FAM117B: variants seen among roughly 807,000 people sequenced by gnomAD.
The protein encoded by FAM117B is family with sequence similarity 117 member B.
Under a neutral mutation model 52.8 loss-of-function variants are expected in FAM117B, and 22 were observed. The observed-to-expected ratio is 0.42, with a 90% CI of 0.30 to 0.59. The LOEUF (loss-of-function observed/expected upper bound fraction) is 0.59, where lower values mean the gene tolerates loss of function less well. FAM117B is among the 20% of genes least tolerant of loss of function. FAM117B has a pLI of 0.22. For synonymous variants in FAM117B, 309 were observed against 324.1 expected, an observed-to-expected ratio of 0.95 and a Z score of 0.50; for missense variants, 678 against 802.6, an observed-to-expected ratio of 0.84 and a Z score of 1.88.
rs556499779 is a variant in FAM117B, at chr2:202,648,973, C to T, written c.601+13185C>T. ...TTCACCGTGTTGACCAGGCTGGTCT[C>T]GAGCTCCTGACCTCGGGCGTTCTGC... On this transcript the variant is annotated intron_variant, in intron 1 of 7. Coordinates refer to ENST00000392238, the MANE Select transcript of FAM117B (RefSeq NM_173511.4). Among the ~76,000 whole-genome samples the T allele has an allele frequency of 5.3e-5, 8 of 151,430 alleles. No homozygotes were observed. In the East Asian group the frequency reaches 1.2e-3, roughly 22 times the overall value.
intron 1 of FAM117B, among the ~76,000 whole-genome samples, chr2:202,659,055 G>A (rs1690089033): frequency 6.6e-6 from 1 of 151,870 alleles, no homozygotes. Context: ...CTCCCAGGCT[G>A]GAGTGCAGTG....
At chr2:202,653,443 ATCC>A (rs1350666230) in intron 1 of FAM117B, among the ~76,000 whole-genome samples, 2 of 152,292 alleles carry the variant, frequency 1.3e-5, no homozygotes, top group Admixed American at 1.3e-4. Context: ...GCCTCAAGCA[ATCC>A]TCCTGCCTCA....
At chr2:202,682,599 G>A (rs1353303323) in intron 1 of FAM117B, among the ~76,000 whole-genome samples, 1 of 152,194 alleles carries the variant, frequency 6.6e-6, no homozygotes, top group African/African-American at 2.4e-5. Context: ...CAACAGCACA[G>A]TACGTATTCT....
intron 1 of FAM117B, among the ~76,000 whole-genome samples, chr2:202,661,949 C>T (rs570940965): frequency 1.3e-5 from 2 of 151,318 alleles, no homozygotes; most frequent in East Asian, 1.9e-4. Context: ...GATCAACAAT[C>T]CCACGATCCC....
At chr2:202,638,758 A>G (rs1468022879) in intron 1 of FAM117B, among the ~76,000 whole-genome samples, 2 of 152,184 alleles carry the variant, frequency 1.3e-5, no homozygotes, top group African/African-American at 2.4e-5. Context: ...ACCTGAGGTC[A>G]GGTTTAATAC....
intron 1 of FAM117B, among the ~76,000 whole-genome samples, chr2:202,676,894 G>C (rs989753725): frequency 2.0e-5 from 3 of 152,058 alleles, no homozygotes; most frequent in East Asian, 1.9e-4. Flanking sequence ...GAGGAAGCTG[G>C]GGTTAAGAAC....
intron 2 of FAM117B, among the ~76,000 whole-genome samples, chr2:202,719,262 A>T (rs560421701): frequency 6.6e-6 from 1 of 152,102 alleles, no homozygotes; most frequent in Non-Finnish European, 1.5e-5. Flanking sequence ...GTTGTTCTTT[A>T]TGCTTATTTT....
intron 4 of FAM117B, among the ~76,000 whole-genome samples, chr2:202,738,708 G>C (rs1355658059): frequency 6.6e-6 from 1 of 152,116 alleles, no homozygotes; most frequent in Non-Finnish European, 1.5e-5. Context: ...TAGATTATTA[G>C]CTTCTCAGAG....
intron 1 of FAM117B, among the ~76,000 whole-genome samples, chr2:202,654,267 A>T (rs1202637231): frequency 6.6e-6 from 1 of 151,816 alleles, no homozygotes; most frequent in East Asian, 1.9e-4. Context: ...TACCTCAAAA[A>T]AAAAAAATCT....
rs770995798 is a variant in FAM117B at position 202,765,624 on chromosome 2, A to G, written c.1630A>G (p.Thr544Ala). 3.1e-6 allele frequency: 5 copies of G among 1,614,166 alleles called. No individual in the cohort carries two copies. Among genetic ancestry groups the G allele is most frequent in the South Asian group, 1.1e-5 (1 of 91,074 alleles). The change falls in exon 8 of 8, where the codon ACC (threonine) becomes GCC (alanine). Residue 544 changes from threonine to alanine, a missense_variant. Thr to Ala is a moderately conservative substitution (Grantham distance 58, BLOSUM62 0). Transcript: ENST00000392238. ...CCTGACAGTCACCACTGGCATGACA[A>G]CCACTCTGCTGCAGCCTATTGCTGT... ...HSLTVTTGMT[T>A]TLLQPIAVAS...
chr2:202,739,249 A>C (rs577068267), intron 4 of FAM117B, among the ~76,000 whole-genome samples: 7 of 152,256 alleles, frequency 4.6e-5, no homozygotes, highest in African/African-American at 1.7e-4. Context: ...CTAACTTTGA[A>C]TGTTAATATT....
At chr2:202,662,001 G>A (rs535732226) in intron 1 of FAM117B, among the ~76,000 whole-genome samples, 7 of 151,530 alleles carry the variant, frequency 4.6e-5, no homozygotes, top group African/African-American at 1.2e-4. Context: ...TCAGTATGTC[G>A]AAGAGATACT....
At chr2:202,654,725 A>G (rs1690026778) in intron 1 of FAM117B, among the ~76,000 whole-genome samples, 1 of 151,242 alleles carries the variant, frequency 6.6e-6, no homozygotes. Context: ...TTTTAAAAAG[A>G]TTTGAAATGT....
At chr2:202,751,397 A>C (rs1412097233) in intron 4 of FAM117B, among the ~76,000 whole-genome samples, 1 of 152,200 alleles carries the variant, frequency 6.6e-6, no homozygotes, top group East Asian at 1.9e-4. Flanking sequence ...GAAAGGGTCT[A>C]ACCAGGACAA....
intron 1 of FAM117B, among the ~76,000 whole-genome samples, chr2:202,686,441 A>G (rs996485784): frequency 1.4e-4 from 22 of 152,240 alleles, no homozygotes; most frequent in African/African-American, 4.1e-4. Flanking sequence ...ACTTATCCAT[A>G]AAAAGATTTC....
At chr2:202,726,144 C>G in intron 3 of FAM117B, 106 bp from the exon 4 acceptor site, 1 of 689,910 alleles carries the variant, frequency 1.4e-6, no homozygotes, top group South Asian at 2.0e-5. Context: ...TTCAAAAATT[C>G]AAAGGACTTA....
At chr2:202,709,579 T>C (rs1485577405) in intron 2 of FAM117B, among the ~76,000 whole-genome samples, 7 of 152,228 alleles carry the variant, frequency 4.6e-5, no homozygotes, top group African/African-American at 1.4e-4. Flanking sequence ...TAGCCTCTTA[T>C]CAAATATATA....
chr2:202,695,449 T>C (rs1690696543), intron 1 of FAM117B, among the ~76,000 whole-genome samples: 1 of 152,162 alleles, frequency 6.6e-6, no homozygotes. Context: ...GTATGCACGT[T>C]GTCTATGCTC....
chr2:202,752,122 A>T (rs1186771799), intron 4 of FAM117B, among the ~76,000 whole-genome samples: 2 of 152,214 alleles, frequency 1.3e-5, no homozygotes, highest in African/African-American at 4.8e-5. Context: ...GTGAAAAGAT[A>T]ATTATTTTAA....
Sources: allele counts gnomAD v4.1 joint callset (sites outside exome capture counted in the v4.1 genomes callset), GRCh38; gene constraint gnomAD v4.1.1; transcripts MANE v1.5; gene names NCBI Gene and HGNC (gene_info 2026-07-23, HGNC 2026-07-21).